Variants in HIBADH observed in about 807,000 individuals in gnomAD.
The protein encoded by HIBADH is 3-hydroxyisobutyrate dehydrogenase, also known as 3-hydroxyisobutyrate dehydrogenase, mitochondrial.
In HIBADH, 25 loss-of-function variants were observed where a neutral mutation model predicts 36.1. That is an observed-to-expected ratio of 0.69 (90% confidence interval 0.50 to 0.97). The LOEUF (loss-of-function observed/expected upper bound fraction) is 0.97. Among genes scored for constraint, HIBADH ranks in the 50% least tolerant of loss-of-function variants. The pLI is 0.00. For synonymous variants in HIBADH, 160 were observed against 149.5 expected, an observed-to-expected ratio of 1.07 and a Z score of -0.51; for missense variants, 421 against 418.0, an observed-to-expected ratio of 1.01 and a Z score of -0.06.
intron 4 of HIBADH, among the ~76,000 whole-genome samples, chr7:27,612,142 G>A (rs562543608): frequency 2.6e-5 from 4 of 152,234 alleles, no homozygotes; most frequent in African/African-American, 9.6e-5. Flanking sequence ...GGAAAATAAG[G>A]CAAGTCCCTT....
At chr7:27,647,775 C>G (rs1348447028) in intron 2 of HIBADH, 1 of 339,884 alleles carries the variant, frequency 2.9e-6, no homozygotes, top group East Asian at 8.3e-5. Flanking sequence ...TCAGAAAGCT[C>G]TAGAATTCTG....
At position 27,548,390 on chromosome 7, in the gene HIBADH, G is replaced by T. The variant is rs145284957; in HGVS notation, c.485-5290C>A. Among the ~76,000 whole-genome samples, 100 of 152,040 alleles carry T rather than the reference G, an allele frequency of 6.6e-4. 1 individual carries two copies. Among genetic ancestry groups the T allele is most frequent in the African/African-American group, 2.3e-3 (94 of 41,448 alleles). The stretch of plus-strand genomic sequence containing the variant: ...TGAAATCTTGTGCTTGTGATGGTTG[G>T]GGGGAGGGAGAAGTTGGAGAATGGA... On this transcript the variant is annotated intron_variant, in intron 4 of 7. Coordinates refer to ENST00000265395, the MANE Select transcript of HIBADH (RefSeq NM_152740.4).
intron 4 of HIBADH, among the ~76,000 whole-genome samples, chr7:27,560,275 C>A (rs1346202742): frequency 2.0e-5 from 3 of 152,298 alleles, no homozygotes; most frequent in Non-Finnish European, 4.4e-5. Flanking sequence ...GCGTGCACCA[C>A]CACGCCTAAT....
intron 7 of HIBADH, among the ~76,000 whole-genome samples, chr7:27,530,948 GCACACACATACA>G: frequency 6.6e-6 from 1 of 151,182 alleles, no homozygotes; most frequent in East Asian, 1.9e-4. Flanking sequence ...ACACACACAC[GCACACACATACA>G]CACACACACA....
At chr7:27,657,805 T>C (rs191317072) in intron 1 of HIBADH, among the ~76,000 whole-genome samples, 2 of 152,300 alleles carry the variant, frequency 1.3e-5, no homozygotes, top group East Asian at 3.9e-4. Context: ...CTTAGATGTA[T>C]ACCATTGAAG....
intron 2 of HIBADH, among the ~76,000 whole-genome samples, chr7:27,646,609 C>G (rs915252112): frequency 1.3e-5 from 2 of 151,522 alleles, no homozygotes; most frequent in African/African-American, 4.8e-5. Flanking sequence ...ACTGCAGCCT[C>G]AACCTCCTAG....
At chr7:27,539,112 T>A (rs952899184) in intron 5 of HIBADH, among the ~76,000 whole-genome samples, 2 of 152,060 alleles carry the variant, frequency 1.3e-5, no homozygotes, top group African/African-American at 4.8e-5. Flanking sequence ...TTTGACACGG[T>A]AGGAAATAGG....
At chr7:27,622,104 G>C (rs1562648002) in intron 4 of HIBADH, among the ~76,000 whole-genome samples, 2 of 152,196 alleles carry the variant, frequency 1.3e-5, no homozygotes, top group East Asian at 3.9e-4. Context: ...AATTAGACAG[G>C]TGTGGTGGTA....
intron 4 of HIBADH, among the ~76,000 whole-genome samples, chr7:27,616,397 A>C (rs1292344933): frequency 1.3e-5 from 2 of 152,182 alleles, no homozygotes; most frequent in African/African-American, 4.8e-5. Flanking sequence ...AGTAATATCA[A>C]ATGAGTGAAT....
At chr7:27,601,417 T>C (rs1051278520) in intron 4 of HIBADH, among the ~76,000 whole-genome samples, 21 of 152,220 alleles carry the variant, frequency 1.4e-4, no homozygotes, top group African/African-American at 4.6e-4. Context: ...TTTATTATGA[T>C]TGTGCAATAA....
intron 2 of HIBADH, among the ~76,000 whole-genome samples, chr7:27,634,215 T>C (rs1434729467): frequency 6.6e-6 from 1 of 152,186 alleles, no homozygotes; most frequent in African/African-American, 2.4e-5. Flanking sequence ...CAAAAAAAGA[T>C]ATTCTCTTTT....
chr7:27,598,813 C>T (rs1437738313), intron 4 of HIBADH, among the ~76,000 whole-genome samples: 1 of 152,054 alleles, frequency 6.6e-6, no homozygotes, highest in Non-Finnish European at 1.5e-5. Flanking sequence ...CCCTCTTCCT[C>T]ACCATAAAAA....
chr7:27,578,103 A>T (rs1308200202), intron 4 of HIBADH, among the ~76,000 whole-genome samples: 1 of 152,232 alleles, frequency 6.6e-6, no homozygotes, highest in African/African-American at 2.4e-5. Flanking sequence ...TAGAGAGTTC[A>T]GTATGCTAAT....
intron 2 of HIBADH, among the ~76,000 whole-genome samples, chr7:27,645,365 T>TTTA (rs1786044039): frequency 4.2e-5 from 5 of 118,614 alleles, no homozygotes; most frequent in South Asian, 3.0e-4. Context: ...TCTCATGGTT[T>TTTA]TGATTTTTTT....
intron 1 of HIBADH, among the ~76,000 whole-genome samples, chr7:27,662,251 T>A (rs1215652473): frequency 6.6e-6 from 1 of 152,090 alleles, no homozygotes; most frequent in Non-Finnish European, 1.5e-5. Flanking sequence ...TGGTTAAACA[T>A]CAGGCCCTGC....
intron 4 of HIBADH, among the ~76,000 whole-genome samples, chr7:27,554,148 G>A (rs1049752088): frequency 6.6e-6 from 1 of 152,142 alleles, no homozygotes; most frequent in Non-Finnish European, 1.5e-5. Context: ...ACCACAGCTG[G>A]CTAATTTTTG....
At chr7:27,642,421 A>G (rs376425781) in intron 2 of HIBADH, among the ~76,000 whole-genome samples, 6 of 152,176 alleles carry the variant, frequency 3.9e-5, no homozygotes, top group African/African-American at 1.4e-4. Flanking sequence ...CACCTAAGAC[A>G]TATCCAACAC....
rs374998936 is a variant in HIBADH at position 27,616,107 on chromosome 7, G to A, written c.484+13264C>T. Among the ~76,000 whole-genome samples, 40 of 152,232 alleles carry A rather than the reference G, an allele frequency of 2.6e-4. No individual in the cohort carries two copies. The East Asian group carries it at 5.0e-3, about 19-fold the overall frequency. On this transcript the variant is annotated intron_variant, in intron 4 of 7. Coordinates refer to ENST00000265395, the MANE Select transcript of HIBADH (RefSeq NM_152740.4). ...AGGGCCTCAGGCTGCTTCCTCTCACGGCAGAAAGTGAAGGGGAGCCAGCAC... is the reference window on the plus strand; with the variant it reads ...AGGGCCTCAGGCTGCTTCCTCTCACAGCAGAAAGTGAAGGGGAGCCAGCAC...
chr7:27,598,471 C>A (rs780546345), intron 4 of HIBADH, among the ~76,000 whole-genome samples: 1 of 152,122 alleles, frequency 6.6e-6, no homozygotes, highest in South Asian at 2.1e-4. Flanking sequence ...ATAAGAATCA[C>A]AAGCATCAAT....
Sources: allele counts gnomAD v4.1 joint callset (sites outside exome capture counted in the v4.1 genomes callset), GRCh38; gene constraint gnomAD v4.1.1; transcripts MANE v1.5; gene names NCBI Gene and HGNC (gene_info 2026-07-23, HGNC 2026-07-21).